Variants in MPRIP observed in about 807,000 individuals in gnomAD.
MPRIP encodes the protein myosin phosphatase Rho interacting protein.
A neutral mutation model predicts 234.9 loss-of-function variants in MPRIP; 59 were observed. That is an observed-to-expected ratio of 0.25 (90% CI 0.20 to 0.31). The LOEUF (loss-of-function observed/expected upper bound fraction) is 0.31, where lower values mean the gene tolerates loss of function less well. Ranked by LOEUF, MPRIP falls within the 10% of genes least tolerant of loss-of-function variation. The pLI is 1.00. For synonymous variants in MPRIP, 1,144 were observed against 1,263.9 expected (o/e 0.91, Z 2.01); for missense variants, 2,436 against 3,071.0 (o/e 0.79, Z 4.89).
chr17:17,072,629 A>G (rs1332731445), intron 1 of MPRIP, among the ~76,000 whole-genome samples: 1 of 152,056 alleles, frequency 6.6e-6, no homozygotes, highest in Non-Finnish European at 1.5e-5. Context: ...GCCCTGAGGG[A>G]TGGTAGAGAG....
At chr17:17,184,130 T>C (rs1228389417) in intron 23 of MPRIP, among the ~76,000 whole-genome samples, 3 of 152,354 alleles carry the variant, frequency 2.0e-5, no homozygotes, top group South Asian at 4.1e-4. Flanking sequence ...AGATGGGAAA[T>C]ACTCTGTCCC....
chr17:17,114,703 AC>A (rs11356554), intron 3 of MPRIP, among the ~76,000 whole-genome samples: 85,563 of 151,084 alleles, frequency 0.57, 24,593 homozygotes, highest in African/African-American at 0.63. Flanking sequence ...CTTCCCATCT[AC>A]CCCCCGCCCA....
chr17:17,096,906 AG>A, intron 3 of MPRIP: 1 of 432,598 alleles, frequency 2.3e-6, no homozygotes, highest in Non-Finnish European at 4.9e-6. Flanking sequence ...CTTGTCTTCT[AG>A]AATCTCGTCG....
intron 12 of MPRIP, among the ~76,000 whole-genome samples, chr17:17,153,543 C>T (rs2045655796): frequency 6.6e-6 from 1 of 151,654 alleles, no homozygotes; most frequent in Non-Finnish European, 1.5e-5. Flanking sequence ...CTACCTGCTG[C>T]CCCGTTCCTC....
intron 3 of MPRIP, among the ~76,000 whole-genome samples, chr17:17,090,958 T>C (rs1053863863): frequency 8.5e-5 from 13 of 152,096 alleles, no homozygotes; most frequent in African/African-American, 3.1e-4. Flanking sequence ...TATTTACACC[T>C]CTGCCAAGTG....
rs895102769 is a variant in MPRIP, at chr17:17,185,430, T to A, written c.*536T>A. 2.2e-6 allele frequency: 1 copy of A among 448,342 alleles called. No individual in the cohort carries two copies. The highest frequency in any genetic ancestry group is 2.0e-5 in the African/African-American group (1 of 49,748). The allele number at this position is 448,342 out of a possible 1,614,324, so 27.8% of individuals were successfully genotyped here. On this transcript the variant is annotated 3_prime_UTR_variant, in exon 24 of 24. Transcript: ENST00000651222. The stretch of plus-strand genomic sequence containing the variant: ...CTTCCAGCCCAGGAGGAGGACAGCA[T>A]TTTGTATTTGTTCCACTGATGCAGC...
intron 21 of MPRIP, 148 bp from the exon 22 acceptor site, chr17:17,177,102 C>G: frequency 3.8e-6 from 3 of 784,440 alleles, no homozygotes; most frequent in Non-Finnish European, 6.4e-6. Context: ...TGTCCACTGT[C>G]TGCCTCTAGA....
intron 3 of MPRIP, among the ~76,000 whole-genome samples, chr17:17,101,539 C>T (rs2089960998): frequency 6.6e-6 from 1 of 152,146 alleles, no homozygotes; most frequent in Non-Finnish European, 1.5e-5. Flanking sequence ...CACTGCACTC[C>T]AGCCTGGGCA....
Position 17,166,259 on chromosome 17 carries a change from G to A in MPRIP, c.4668G>A (p.Leu1556=). 1 of 1,304,252 alleles carries A rather than the reference G, an allele frequency of 7.7e-7. No individual in the cohort carries two copies. Among genetic ancestry groups the A allele is most frequent in the African/African-American group, 1.5e-5 (1 of 66,016 alleles). The allele number at this position is 1,304,252 out of a possible 1,614,324, so 80.8% of individuals were successfully genotyped here. A position where few individuals can be genotyped will look rare whatever the true frequency, so the allele number is the denominator to read the frequency against. ...TGCAGCAGTGCTCCCAGTCTGAGTT[G>A]ACAGAGCAGGAGCAGGTGAGGCTTC... is the stretch of plus-strand genomic sequence containing the variant. ...ASLQQCSQSE[L]TEQEQVRLLS... Residue 1556 remains leucine (L), a synonymous_variant, in exon 16 of 24, where the codon TTG becomes TTA. Coordinates refer to ENST00000651222, the MANE Select transcript of MPRIP (RefSeq NM_001364716.4). The surrounding 1 kb of genome is among the most constrained non-coding windows in gnomAD (Gnocchi z 4.4).
chr17:17,076,899 A>G (rs1259510313), intron 2 of MPRIP, among the ~76,000 whole-genome samples: 1 of 147,854 alleles, frequency 6.8e-6, no homozygotes, highest in African/African-American at 2.5e-5. Context: ...ACGTGGCCTC[A>G]CTGCCAGTTA....
At chr17:17,056,506 G>A (rs1041591764) in intron 1 of MPRIP, among the ~76,000 whole-genome samples, 7 of 152,206 alleles carry the variant, frequency 4.6e-5, no homozygotes, top group African/African-American at 1.2e-4. Context: ...AGGGAGGCCA[G>A]GAGCCCAGTG....
At chr17:17,071,319 TG>T (rs1377352924) in intron 1 of MPRIP, among the ~76,000 whole-genome samples, 1 of 150,240 alleles carries the variant, frequency 6.7e-6, no homozygotes, top group Non-Finnish European at 1.5e-5. Context: ...TTTTTGTTGT[TG>T]TTTTTTTTGG....
intron 1 of MPRIP, among the ~76,000 whole-genome samples, chr17:17,051,475 A>G (rs73979057): frequency 0.07 from 10,609 of 152,214 alleles, 1,178 homozygotes; most frequent in African/African-American, 0.24. Flanking sequence ...TCAAGCTTTC[A>G]TCAAAAGCAG....
rs1413897337 is a variant in MPRIP, at chr17:17,078,892, C to A, written c.267+816C>A. Among the ~76,000 whole-genome samples the A allele has an allele frequency of 6.6e-6, 1 of 152,146 alleles. No individual in the cohort carries two copies. The highest frequency in any genetic ancestry group is 1.5e-5 in the Non-Finnish European group (1 of 68,028). On this transcript the variant is annotated intron_variant, in intron 3 of 23. Coordinates refer to ENST00000651222, the MANE Select transcript of MPRIP (RefSeq NM_001364716.4). This position sits in a 1 kb window ranked among gnomAD's most constrained non-coding sequence, Gnocchi z 4.3. ...CTTGGTGGGTGAATGTTTGTGTGCCCATATGTGCAGCATTTTAAAATTGGG... is the reference window on the plus strand; with the variant it reads ...CTTGGTGGGTGAATGTTTGTGTGCCAATATGTGCAGCATTTTAAAATTGGG...
intron 3 of MPRIP, among the ~76,000 whole-genome samples, chr17:17,120,449 C>T (rs1256289884): frequency 6.6e-6 from 1 of 152,166 alleles, no homozygotes; most frequent in East Asian, 1.9e-4. Context: ...TCCAGCCTCC[C>T]ATGGGCCTGT....
rs187914059 is a variant in MPRIP, at chr17:17,148,064, G to A, written c.1629+677G>A. Among the ~76,000 whole-genome samples, 6 of 152,286 alleles carry A rather than the reference G, an allele frequency of 3.9e-5. No homozygotes were observed. In the East Asian group the frequency reaches 1.2e-3, roughly 29 times the overall value. ...CATTCCCACACGTTTGTAACAGCCA[G>A]ATGATTGGAAAGAGCCTAAATACCC... On this transcript the variant is annotated intron_variant, in intron 11 of 23. Coordinates refer to ENST00000651222, the MANE Select transcript of MPRIP (RefSeq NM_001364716.4).
intron 3 of MPRIP, among the ~76,000 whole-genome samples, chr17:17,083,252 G>T (rs564332634): frequency 1.3e-3 from 193 of 152,352 alleles, no homozygotes; most frequent in African/African-American, 4.5e-3. Flanking sequence ...CTGGGAGTTT[G>T]TCAGTCCCGT....
At chr17:17,049,423 A>G (rs2088460187) in intron 1 of MPRIP, among the ~76,000 whole-genome samples, 1 of 152,196 alleles carries the variant, frequency 6.6e-6, no homozygotes, top group Non-Finnish European at 1.5e-5. Flanking sequence ...GACTGTCTGT[A>G]CAAGAATCGC....
intron 5 of MPRIP, among the ~76,000 whole-genome samples, chr17:17,135,158 G>A (rs1034733137): frequency 3.9e-5 from 6 of 152,242 alleles, no homozygotes; most frequent in Non-Finnish European, 4.4e-5. Flanking sequence ...CTGGCACTGC[G>A]GAGCAGCTGA....
Sources: allele counts gnomAD v4.1 joint callset (sites outside exome capture counted in the v4.1 genomes callset), GRCh38; gene constraint gnomAD v4.1.1; non-coding constraint Gnocchi (gnomAD v3.1); transcripts MANE v1.5; gene names NCBI Gene and HGNC (gene_info 2026-07-23, HGNC 2026-07-21).